ATP8B1: variants seen among roughly 807,000 people sequenced by gnomAD.
ATP8B1 encodes phospholipid-transporting ATPase IC.
A neutral mutation model predicts 149.9 loss-of-function variants in ATP8B1; 80 were observed. The observed-to-expected ratio is 0.53, with a 90% confidence interval of 0.45 to 0.64. The LOEUF is 0.64. Among genes scored for constraint, ATP8B1 ranks in the 30% least tolerant of loss-of-function variants. The pLI, the probability that ATP8B1 is intolerant of heterozygous loss-of-function variation, is 0.00. For missense variants in ATP8B1, 1,247 were observed against 1,552.6 expected, an observed-to-expected ratio of 0.80 and a Z score of 3.31; for synonymous variants, 536 against 562.8, an observed-to-expected ratio of 0.95 and a Z score of 0.67.
intron 1 of ATP8B1, among the ~76,000 whole-genome samples, chr18:57,787,450 GAACAC>G (rs1325139225): frequency 1.5e-5 from 2 of 135,472 alleles, no homozygotes; most frequent in African/African-American, 2.5e-5. Context: ...GCTCCATCTA[GAACAC>G]TGCGGGAGGA....
chr18:57,702,857 CAAAA>C (rs34058171), intron 4 of ATP8B1, among the ~76,000 whole-genome samples: 9 of 125,096 alleles, frequency 7.2e-5, no homozygotes, highest in African/African-American at 5.9e-5. Flanking sequence ...AACTCCATCT[CAAAA>C]AAAAAAAAAA....
Position 57,648,608 on chromosome 18 carries a change from C to G in ATP8B1, c.3636G>C (p.Ser1212=), listed in dbSNP as rs748084795. 6 of 1,610,648 alleles carry G rather than the reference C, an allele frequency of 3.7e-6. No individual in the cohort carries two copies. The highest frequency in any genetic ancestry group is 1.1e-5 in the South Asian group (1 of 90,822). ...TGAGGTCCGCGTAGCCCCGCTGGTG[C>G]GAGAAGGCGTAGGCCGAGCGCCGCG... ...VSTRRSAYAF[S]HQRGYADLIS... Residue 1212 remains serine (S), a synonymous_variant, in exon 28 of 28, where the codon TCG becomes TCC. Transcript: ENST00000648908.
chr18:57,797,065 CCA>C (rs2080522122), intron 1 of ATP8B1, among the ~76,000 whole-genome samples: 1 of 152,154 alleles, frequency 6.6e-6, no homozygotes, highest in Admixed American at 6.5e-5. Context: ...ATGAATCACA[CCA>C]CACTCTATAA....
chr18:57,683,701 G>C (rs558752018), intron 15 of ATP8B1, among the ~76,000 whole-genome samples: 1 of 152,176 alleles, frequency 6.6e-6, no homozygotes, highest in Non-Finnish European at 1.5e-5. Flanking sequence ...TTCACTCTCA[G>C]TCAATGCTCA....
intron 1 of ATP8B1, among the ~76,000 whole-genome samples, chr18:57,791,414 A>T (rs2080463735): frequency 7.3e-6 from 1 of 137,194 alleles, no homozygotes. Flanking sequence ...GCAGTGGTAC[A>T]ATTTTGGCTC....
chr18:57,742,288 A>T (rs1268248894), intron 1 of ATP8B1, among the ~76,000 whole-genome samples: 1 of 152,200 alleles, frequency 6.6e-6, no homozygotes, highest in African/African-American at 2.4e-5. Context: ...TTTAAACTTT[A>T]TACTGTTATA....
intron 1 of ATP8B1, among the ~76,000 whole-genome samples, chr18:57,751,408 C>G (rs1198950238): frequency 1.3e-5 from 2 of 150,722 alleles, no homozygotes; most frequent in East Asian, 3.9e-4. Context: ...AGGAGTATCA[C>G]TTGATCCTGA....
chr18:57,679,528 T>C (rs1004921313), intron 15 of ATP8B1, among the ~76,000 whole-genome samples: 1 of 152,160 alleles, frequency 6.6e-6, no homozygotes, highest in Non-Finnish European at 1.5e-5. Context: ...ATGAAATTGA[T>C]GTAATCAAAG....
chr18:57,771,920 C>T lies in ATP8B1; in HGVS notation c.-26+31078G>A, dbSNP rs370568919. Among the ~76,000 whole-genome samples, 12 of 152,242 alleles carry T rather than the reference C, an allele frequency of 7.9e-5. No individual in the cohort carries two copies. In the East Asian group the frequency reaches 1.2e-3, roughly 15 times the overall value. On this transcript the variant is annotated intron_variant, in intron 1 of 27. Coordinates refer to ENST00000648908, the MANE Select transcript of ATP8B1 (RefSeq NM_001374385.1). The stretch of plus-strand genomic sequence containing the variant: ...TTAGCTGTTCCCACCCCAATTTTCA[C>T]GATTAAAACTACAATCGACATACTA...
chr18:57,686,848 G>A (rs1484597239), intron 13 of ATP8B1, among the ~76,000 whole-genome samples: 2 of 151,954 alleles, frequency 1.3e-5, no homozygotes, highest in Admixed American at 1.3e-4. Context: ...ACCAATTTTT[G>A]TTGTTGCTAT....
rs1181106340 is a variant in ATP8B1, at chr18:57,646,711, TAAGGAA to T, written c.*1771_*1776del. 2.6e-5 allele frequency: 4 copies of T among 152,594 alleles called. No homozygotes were observed. The highest frequency in any genetic ancestry group is 9.7e-5 in the African/African-American group (4 of 41,440). 9.5% of individuals were successfully genotyped at this position (152,594 alleles called of 1,614,324 possible). On this transcript the variant is annotated 3_prime_UTR_variant, in exon 28 of 28. Transcript: ENST00000648908. ...AACTTACAATTTTTTATTTACAAGT[TAAGGAA>T]AAGTTGTAAACGTTCAGGATTTTAC...
intron 1 of ATP8B1, among the ~76,000 whole-genome samples, chr18:57,781,022 A>G (rs1485607601): frequency 6.6e-6 from 1 of 152,256 alleles, no homozygotes; most frequent in African/African-American, 2.4e-5. Flanking sequence ...GGGTCAGCCC[A>G]CTGTTTAAAA....
chr18:57,779,761 G>C (rs1036779683), intron 1 of ATP8B1, among the ~76,000 whole-genome samples: 6 of 152,044 alleles, frequency 3.9e-5, no homozygotes, highest in Non-Finnish European at 7.4e-5. Context: ...TTAGCTGGGC[G>C]TGGTGGCGGG....
chr18:57,687,773 ATTTTTTTTTTT>A (rs11342488), intron 13 of ATP8B1, among the ~76,000 whole-genome samples: 1,190 of 95,300 alleles, frequency 0.012, 30 homozygotes, highest in African/African-American at 0.044. Flanking sequence ...GAGACTTCTA[ATTTTTTTTTTT>A]TTTTTTTTTT....
rs1442524529 is a variant in ATP8B1, at chr18:57,672,996, TATATATAAATATAC to T, written c.1820-1430_1820-1417del. Among the ~76,000 whole-genome samples, 46 of 5,304 alleles carry T rather than the reference TATATATAAATATAC, an allele frequency of 8.7e-3. 1 individual carries two copies. Among genetic ancestry groups the T allele is most frequent in the Middle Eastern group, 0.1 (2 of 20 alleles). 3.5% of individuals were successfully genotyped at this position (5,304 alleles called of 152,430 possible). Reference sequence around the variant, plus strand: ...ATATACACACATATATAAATACATGTATATATAAATATACATATATAAATATATGTATATATATA... The same window carrying T: ...ATATACACACATATATAAATACATGTATATATAAATATATGTATATATATA... On this transcript the variant is annotated intron_variant, in intron 16 of 27. Transcript: ENST00000648908.
intron 20 of ATP8B1, 52 bp downstream of exon 20, chr18:57,667,040 C>G (rs1910903911): frequency 4.1e-6 from 6 of 1,470,776 alleles, no homozygotes; most frequent in Non-Finnish European, 5.7e-6. Flanking sequence ...GACAGTCTTG[C>G]ATTTGCAAAG....
At chr18:57,676,611 C>T (rs945265399) in intron 15 of ATP8B1, among the ~76,000 whole-genome samples, 4 of 144,822 alleles carry the variant, frequency 2.8e-5, no homozygotes, top group Admixed American at 7.1e-5. Context: ...TCCAGCTACT[C>T]GGGAGGCTGA....
intron 20 of ATP8B1, among the ~76,000 whole-genome samples, chr18:57,665,660 C>A (rs921454364): frequency 2.6e-5 from 4 of 152,024 alleles, no homozygotes; most frequent in African/African-American, 9.7e-5. Flanking sequence ...TCAAGCAATT[C>A]TCCTGCCTCA....
At chr18:57,717,263 G>T (rs948243745) in intron 2 of ATP8B1, among the ~76,000 whole-genome samples, 2 of 151,884 alleles carry the variant, frequency 1.3e-5, no homozygotes, top group Non-Finnish European at 2.9e-5. Context: ...AAAAGAACTA[G>T]AGCCAGGTGC....
Sources: gnomAD v4.1 joint callset for allele counts (sites outside exome capture counted in the v4.1 genomes callset) on GRCh38, gnomAD v4.1.1 for gene constraint, MANE v1.5 for transcripts, NCBI Gene and HGNC (gene_info 2026-07-23, HGNC 2026-07-21) for gene names.